Variants in CLCN1 observed in about 807,000 individuals in gnomAD.
CLCN1 encodes chloride channel protein 1.
Under a neutral mutation model 114.5 loss-of-function variants are expected in CLCN1, and 100 were observed. That is an observed-to-expected ratio of 0.87 (90% CI 0.74 to 1.03). The LOEUF is 1.03. Ranked by LOEUF, CLCN1 falls within the 50% of genes least tolerant of loss-of-function variation. The pLI, the probability that CLCN1 is intolerant of heterozygous loss-of-function variation, is 0.00. For synonymous variants in CLCN1, 485 were observed against 487.1 expected, an observed-to-expected ratio of 1.00 and a Z score of 0.06; for missense variants, 1,188 against 1,250.0, an observed-to-expected ratio of 0.95 and a Z score of 0.75.
At chr7:143,332,200 G>A (rs1048510929) in intron 10 of CLCN1, among the ~76,000 whole-genome samples, 1 of 152,172 alleles carries the variant, frequency 6.6e-6, no homozygotes, top group African/African-American at 2.4e-5. Context: ...GTGACCTAAG[G>A]TGATCTGCCC....
chr7:143,342,157 A>G lies in CLCN1; in HGVS notation c.1796+15A>G. 2.5e-6 allele frequency: 4 copies of G among 1,611,690 alleles called. No homozygotes were observed. Among genetic ancestry groups the G allele is most frequent in the South Asian group, 1.1e-5 (1 of 91,038 alleles). ...AACCAGCTCAGGTCAGGGGCACTAG[A>G]CGGAATTAGTTCAGATCTGATGGGG... is the stretch of plus-strand genomic sequence containing the variant. On this transcript the variant is annotated intron_variant, in intron 15 of 22. Transcript: ENST00000343257.
chr7:143,325,819 G>T (rs1802558457), intron 7 of CLCN1, among the ~76,000 whole-genome samples: 1 of 152,162 alleles, frequency 6.6e-6, no homozygotes, highest in African/African-American at 2.4e-5. Flanking sequence ...GAGAGGTAAA[G>T]ATCACAGAGA....
Position 143,350,743 on chromosome 7 carries a change from C to A in CLCN1, c.2595+89C>A. 1.1e-6 allele frequency: 1 copy of A among 894,798 alleles called. No individual in the cohort carries two copies. Among genetic ancestry groups the A allele is most frequent in the Non-Finnish European group, 1.8e-6 (1 of 546,024 alleles). 55.4% of individuals were successfully genotyped at this position (894,798 alleles called of 1,614,324 possible). On this transcript the variant is annotated intron_variant, in intron 22 of 22. Coordinates refer to ENST00000343257, the MANE Select transcript of CLCN1 (RefSeq NM_000083.3). This position sits in a 1 kb window ranked among gnomAD's most constrained non-coding sequence, Gnocchi z 5.1. ...GTGGGGACAGAAGGAATATTAGCAT[C>A]TCAGAAGTCCCCTCAGATTCCCTTC...
At chr7:143,317,787 A>C (rs914352863) in intron 1 of CLCN1, among the ~76,000 whole-genome samples, 1 of 152,068 alleles carries the variant, frequency 6.6e-6, no homozygotes, top group African/African-American at 2.4e-5. Context: ...GGAATCGAGC[A>C]TTGGGAAGGT....
rs997580917 is a variant in CLCN1 at position 143,351,557 on chromosome 7, A to G, written c.2596-37A>G. The G allele has an allele frequency of 6.8e-6, 11 of 1,609,268 alleles. No individual in the cohort carries two copies. In the African/African-American group the frequency reaches 8.1e-5, roughly 12 times the overall value. Reference sequence around the variant, plus strand: ...TGCCCCCGTCTTTTTTCTTTTTCCAACTTTTTACCCTCTTTTCCTTTCCCA... The same window carrying G: ...TGCCCCCGTCTTTTTTCTTTTTCCAGCTTTTTACCCTCTTTTCCTTTCCCA... On this transcript the variant is annotated intron_variant, in intron 22 of 22. Coordinates refer to ENST00000343257, the MANE Select transcript of CLCN1 (RefSeq NM_000083.3).
In CLCN1 at chr7:143,323,242, G is replaced by T. The variant is rs544111121; in HGVS notation, c.697-67G>T. The T allele has an allele frequency of 1.5e-5, 13 of 854,612 alleles. No individual in the cohort carries two copies. The South Asian group carries it at 1.7e-4, about 11-fold the overall frequency. 52.9% of individuals were successfully genotyped at this position (854,612 alleles called of 1,614,324 possible). On this transcript the variant is annotated intron_variant, in intron 5 of 22. Transcript: ENST00000343257. ...GTGCCTGGAGTAAGGAATATTATTA[G>T]TCCAGTGAGTGCTGCAGAGCCTCCA... is the stretch of plus-strand genomic sequence containing the variant.
chr7:143,351,240 TG>T (rs1439785403), intron 22 of CLCN1, among the ~76,000 whole-genome samples: 5 of 151,638 alleles, frequency 3.3e-5, no homozygotes, highest in African/African-American at 7.3e-5. Flanking sequence ...GGGTTTGAGA[TG>T]GGGGTTCCAG....
At chr7:143,332,130 A>G (rs926887350) in intron 10 of CLCN1, among the ~76,000 whole-genome samples, 3 of 151,848 alleles carry the variant, frequency 2.0e-5, no homozygotes, top group African/African-American at 7.3e-5. Flanking sequence ...TGCCTGGCTA[A>G]TTTTTGTATT....
chr7:143,339,336 G>A lies in CLCN1; in HGVS notation c.1471+14G>A. 2.5e-6 allele frequency: 4 copies of A among 1,596,794 alleles called. No homozygotes were observed. The highest frequency in any genetic ancestry group is 3.4e-6 in the Non-Finnish European group (4 of 1,164,172). On this transcript the variant is annotated intron_variant, in intron 13 of 22. Coordinates refer to ENST00000343257, the MANE Select transcript of CLCN1 (RefSeq NM_000083.3). The surrounding 1 kb of genome is among the most constrained non-coding windows in gnomAD (Gnocchi z 4.1). The stretch of plus-strand genomic sequence containing the variant: ...TGTTTGTGCTAGGTAAGTTCTGATG[G>A]GAAGCCTGGGGTCTGACTGAGAGTT...
At position 143,324,451 on chromosome 7, in the gene CLCN1, G is replaced by A. The variant is rs1475869303; in HGVS notation, c.812G>A (p.Cys271Tyr). 6.2e-6 allele frequency: 10 copies of A among 1,613,868 alleles called. No individual in the cohort carries two copies. Among genetic ancestry groups the A allele is most frequent in the African/African-American group, 1.3e-5 (1 of 74,898 alleles). The stretch of plus-strand genomic sequence containing the variant: ...TACTCTGATATCCTGACGGTGGGCT[G>A]TGCTGTGGGAGTCGGCTGTTGTTTT... ...YYYSDILTVG[C>Y]AVGVGCCFGT... is the part of the protein sequence containing the mutation. The change falls in exon 7 of 23, where the codon TGT (cysteine) becomes TAT (tyrosine). Residue 271 changes from cysteine (C) to tyrosine (Y), a missense_variant. Cys to Tyr is a radical substitution (Grantham distance 194). Coordinates refer to ENST00000343257, the MANE Select transcript of CLCN1 (RefSeq NM_000083.3). This position sits in a 1 kb window ranked among gnomAD's most constrained non-coding sequence, Gnocchi z 4.6.
chr7:143,339,758 A>C lies in CLCN1; in HGVS notation c.1582+137A>C, dbSNP rs1397248194. ...GTGCTACTTAACTCAACTTTTACTC[A>C]GATAACATACCCATGGCTCTGACTC... On this transcript the variant is annotated intron_variant, in intron 14 of 22. Transcript: ENST00000343257. The surrounding 1 kb of genome is among the most constrained non-coding windows in gnomAD (Gnocchi z 4.1). 7 of 698,630 alleles carry C rather than the reference A, an allele frequency of 1.0e-5. No homozygotes were observed. The highest frequency in any genetic ancestry group is 1.8e-5 in the African/African-American group (1 of 56,938). The allele number at this position is 698,630 out of a possible 1,614,324, so 43.3% of individuals were successfully genotyped here. A position where few individuals can be genotyped will look rare whatever the true frequency, so the allele number is the denominator to read the frequency against.
chr7:143,325,310 T>A (rs1802547591), intron 7 of CLCN1, among the ~76,000 whole-genome samples: 1 of 152,246 alleles, frequency 6.6e-6, no homozygotes, highest in Non-Finnish European at 1.5e-5. Context: ...TGTTAGAGGT[T>A]TCTTTTCAGT....
At chr7:143,317,272 G>A (rs892761287) in intron 1 of CLCN1, among the ~76,000 whole-genome samples, 3 of 115,776 alleles carry the variant, frequency 2.6e-5, no homozygotes, top group African/African-American at 7.2e-5. Flanking sequence ...TTTTTGAGAT[G>A]GAGTCTCGCT....
At position 143,330,764 on chromosome 7, in the gene CLCN1, C is replaced by A; in HGVS notation, c.854-8C>A. 1 of 1,613,970 alleles carries A rather than the reference C, an allele frequency of 6.2e-7. No individual in the cohort carries two copies. Among genetic ancestry groups the A allele is most frequent in the Non-Finnish European group, 8.5e-7 (1 of 1,179,972 alleles). On this transcript the variant is annotated splice_polypyrimidine_tract_variant and splice_region_variant and intron_variant, in intron 7 of 22. Coordinates refer to ENST00000343257, the MANE Select transcript of CLCN1 (RefSeq NM_000083.3). The stretch of plus-strand genomic sequence containing the variant: ...GCTGCCCCCAACCACACTTCTGTGC[C>A]CCTGCAGGAGTGCTATTTAGCATCG...
At chr7:143,342,167 T>C (rs1032629193) in intron 15 of CLCN1, 25 bp downstream of exon 15, 1 of 1,606,054 alleles carries the variant, frequency 6.2e-7, no homozygotes, top group Non-Finnish European at 8.5e-7. Context: ...ACGGAATTAG[T>C]TCAGATCTGA....
chr7:143,341,279 C>T (rs1052446814), intron 14 of CLCN1, among the ~76,000 whole-genome samples: 12 of 152,088 alleles, frequency 7.9e-5, no homozygotes, highest in Admixed American at 2.6e-4. Context: ...AGTGAAGAGG[C>T]CTGATACAGT....
chr7:143,342,584 T>C, intron 16 of CLCN1, 79 bp downstream of exon 16: 2 of 1,477,094 alleles, frequency 1.4e-6, no homozygotes. Context: ...GGCCCCATGG[T>C]GGGGGCTTTG....
chr7:143,350,316 A>G lies in CLCN1; in HGVS notation c.2404-56A>G. 1 of 1,406,976 alleles carries G rather than the reference A, an allele frequency of 7.1e-7. No homozygotes were observed. Among genetic ancestry groups the G allele is most frequent in the Non-Finnish European group, 1.0e-6 (1 of 1,000,270 alleles). 87.2% of individuals were successfully genotyped at this position (1,406,976 alleles called of 1,614,324 possible). ...GGGCCGTTTGGGGTCAAAATCAGGT[A>G]TCTGGGGTGAAAGGAGGCTCTGTGA... is the stretch of plus-strand genomic sequence containing the variant. On this transcript the variant is annotated intron_variant, in intron 20 of 22. Transcript: ENST00000343257. The surrounding 1 kb of genome is among the most constrained non-coding windows in gnomAD (Gnocchi z 5.1).
At chr7:143,337,807 C>CTTTTTTTTTTTTTTT (rs869078445) in intron 12 of CLCN1, among the ~76,000 whole-genome samples, 2 of 46,046 alleles carry the variant, frequency 4.3e-5, no homozygotes, top group African/African-American at 7.9e-5. Context: ...TTTCTCAATT[C>CTTTTTTTTTTTTTTT]TTTTTTTTTT....
Sources: allele counts gnomAD v4.1 joint callset (sites outside exome capture counted in the v4.1 genomes callset), GRCh38; gene constraint gnomAD v4.1.1; non-coding constraint Gnocchi (gnomAD v3.1); transcripts MANE v1.5; gene names NCBI Gene and HGNC (gene_info 2026-07-23, HGNC 2026-07-21).